The following USP53 variants were observed in gnomAD, a reference collection of about 807,000 sequenced individuals.
The protein encoded by USP53 is ubiquitin specific peptidase 53.
USP53 carries 71 observed loss-of-function variants against 94.9 expected under a neutral mutation model. The observed-to-expected ratio is 0.75, with a 90% CI of 0.62 to 0.91. The LOEUF (loss-of-function observed/expected upper bound fraction) is 0.91. Among genes scored for constraint, USP53 ranks in the 40% least tolerant of loss-of-function variants. The pLI is 0.00. For missense variants in USP53, 1,173 were observed against 1,281.0 expected, an observed-to-expected ratio of 0.92 and a Z score of 1.29; for synonymous variants, 375 against 422.7, an observed-to-expected ratio of 0.89 and a Z score of 1.39.
chr4:119,248,201 G>T (rs1748501897), intron 6 of USP53, among the ~76,000 whole-genome samples: 1 of 135,384 alleles, frequency 7.4e-6, no homozygotes, highest in Admixed American at 6.8e-5. Context: ...CTTAGGTTTA[G>T]ATTAGAAACT....
At position 119,230,143 on chromosome 4, in the gene USP53, G is replaced by T. The variant is rs139505535; in HGVS notation, c.-664-5147G>T. 4.7e-3 allele frequency among the ~76,000 whole-genome samples: 714 copies of T among 151,654 alleles called. 11 individuals carry two copies. Among genetic ancestry groups the T allele is most frequent in the African/African-American group, 0.016 (662 of 41,352 alleles). On this transcript the variant is annotated intron_variant, in intron 3 of 18. Coordinates refer to ENST00000692078, the MANE Select transcript of USP53 (RefSeq NM_001371395.1). ...ACATGTTTTGTTCTTTTTTTCTTTGGGCTTCAACTGCACATAACTGAGTTA... is the reference window on the plus strand; with the variant it reads ...ACATGTTTTGTTCTTTTTTTCTTTGTGCTTCAACTGCACATAACTGAGTTA...
At chr4:119,288,500 C>G (rs925424213) in intron 17 of USP53, among the ~76,000 whole-genome samples, 19 of 152,192 alleles carry the variant, frequency 1.2e-4, no homozygotes, top group African/African-American at 4.6e-4. Context: ...GTAGTAGTTT[C>G]TTTAATGCAG....
At chr4:119,282,976 A>AC (rs1753679263) in intron 17 of USP53, among the ~76,000 whole-genome samples, 1 of 152,022 alleles carries the variant, frequency 6.6e-6, no homozygotes, top group South Asian at 2.1e-4. Context: ...AGTCTATGCA[A>AC]GTATATTTAA....
At chr4:119,285,712 G>C (rs1268591403) in intron 17 of USP53, among the ~76,000 whole-genome samples, 1 of 151,868 alleles carries the variant, frequency 6.6e-6, no homozygotes, top group Non-Finnish European at 1.5e-5. Context: ...AAACTACCAA[G>C]TTTGTTCATT....
At chr4:119,245,482 T>C in intron 6 of USP53, 53 bp downstream of exon 6, 1 of 1,515,888 alleles carries the variant, frequency 6.6e-7, no homozygotes, top group Non-Finnish European at 9.1e-7. Context: ...TTCAAAAATT[T>C]AAGTTTGATA....
intron 7 of USP53, 115 bp from the exon 8 acceptor site, chr4:119,256,131 A>C: frequency 1.5e-6 from 1 of 688,622 alleles, no homozygotes; most frequent in Non-Finnish European, 2.4e-6. Flanking sequence ...AAAAGCTAAC[A>C]ATATGTATGA....
At position 119,272,309 on chromosome 4, in the gene USP53, T is replaced by C. The variant is rs886439974; in HGVS notation, c.2174+275T>C. The C allele has an allele frequency of 1.9e-5, 5 of 263,454 alleles. No homozygotes were observed. The South Asian group carries it at 2.4e-4, about 13-fold the overall frequency. The allele number at this position is 263,454 out of a possible 1,614,324, so 16.3% of individuals were successfully genotyped here. ...TTTTATTTTTAGAAAATTTGGAAAG[T>C]ACAGAAGTTTATTATCATTGTTGTG... On this transcript the variant is annotated intron_variant, in intron 16 of 18. Transcript: ENST00000692078.
In USP53 at chr4:119,293,449, G is replaced by C. The variant is rs1449498237; in HGVS notation, c.*238G>C. The stretch of plus-strand genomic sequence containing the variant: ...ACTATACATATGTATGTGTATATGT[G>C]TATACACATATATAATTTTATGATC... On this transcript the variant is annotated 3_prime_UTR_variant, in exon 19 of 19. Coordinates refer to ENST00000692078, the MANE Select transcript of USP53 (RefSeq NM_001371395.1). 1 of 359,250 alleles carries C rather than the reference G, an allele frequency of 2.8e-6. No individual in the cohort carries two copies. Among genetic ancestry groups the C allele is most frequent in the African/African-American group, 2.1e-5 (1 of 47,594 alleles). The allele number at this position is 359,250 out of a possible 1,614,324, so 22.3% of individuals were successfully genotyped here. A position where few individuals can be genotyped will look rare whatever the true frequency, so the allele number is the denominator to read the frequency against.
At chr4:119,245,515 T>C in intron 6 of USP53, 86 bp downstream of exon 6, 1 of 1,083,774 alleles carries the variant, frequency 9.2e-7, no homozygotes, top group Non-Finnish European at 1.4e-6. Context: ...TTGTTGTAAC[T>C]AAAGTTCACT....
intron 6 of USP53, among the ~76,000 whole-genome samples, chr4:119,248,483 C>G (rs1748541230): frequency 6.7e-6 from 1 of 149,716 alleles, no homozygotes. Flanking sequence ...CTGAAATGCT[C>G]AGGACCAGCA....
chr4:119,229,872 C>T (rs1336599356), intron 3 of USP53, among the ~76,000 whole-genome samples: 2 of 152,176 alleles, frequency 1.3e-5, no homozygotes, highest in Non-Finnish European at 2.9e-5. Context: ...GTCCAAATTT[C>T]TTATGTGACC....
At chr4:119,251,094 C>T (rs1421815946) in intron 7 of USP53, among the ~76,000 whole-genome samples, 1 of 150,880 alleles carries the variant, frequency 6.6e-6, no homozygotes, top group African/African-American at 2.5e-5. Context: ...GTGATATTCC[C>T]CTCCCTGTGT....
intron 6 of USP53, 140 bp downstream of exon 6, chr4:119,245,569 A>G: frequency 3.1e-6 from 2 of 636,404 alleles, no homozygotes; most frequent in Non-Finnish European, 2.7e-6. Flanking sequence ...TAACAGTATG[A>G]CTTATTCAGG....
At chr4:119,233,175 T>A (rs1578433646) in intron 3 of USP53, among the ~76,000 whole-genome samples, 1 of 71,330 alleles carries the variant, frequency 1.4e-5, no homozygotes, top group Non-Finnish European at 3.3e-5. Context: ...TCTCTCTCTC[T>A]TTTTTTTTTT....
chr4:119,278,119 A>G (rs1752907527), intron 17 of USP53, among the ~76,000 whole-genome samples: 1 of 150,484 alleles, frequency 6.6e-6, no homozygotes, highest in Non-Finnish European at 1.5e-5. Flanking sequence ...TACTATTGTT[A>G]TGTGTGAATT....
chr4:119,291,065 T>G (rs1182608300), intron 17 of USP53, 100 bp from the exon 18 acceptor site: 2 of 578,688 alleles, frequency 3.5e-6, no homozygotes, highest in Non-Finnish European at 5.6e-6. Flanking sequence ...TATAGAAAGC[T>G]TTATGTAAAT....
chr4:119,266,149 C>T (rs892579765), intron 12 of USP53, among the ~76,000 whole-genome samples: 2 of 152,180 alleles, frequency 1.3e-5, no homozygotes, highest in Non-Finnish European at 2.9e-5. Flanking sequence ...ATCTGCCTCC[C>T]TTCCTTTAGC....
At chr4:119,233,557 CT>C (rs1746347898) in intron 3 of USP53, among the ~76,000 whole-genome samples, 3 of 151,934 alleles carry the variant, frequency 2.0e-5, no homozygotes, top group Admixed American at 2.0e-4. Flanking sequence ...TTTTTTAATG[CT>C]TTGTAGAATT....
intron 17 of USP53, among the ~76,000 whole-genome samples, chr4:119,284,488 T>C (rs991326321): frequency 5.9e-5 from 9 of 151,886 alleles, no homozygotes; most frequent in African/African-American, 2.2e-4. Context: ...ATTGCCACAA[T>C]GCCATTTGGA....
Sources: allele counts gnomAD v4.1 joint callset (sites outside exome capture counted in the v4.1 genomes callset), GRCh38; gene constraint gnomAD v4.1.1; transcripts MANE v1.5; gene names NCBI Gene and HGNC (gene_info 2026-07-23, HGNC 2026-07-21).